ENOX1: variants seen among roughly 807,000 people sequenced by gnomAD.
ENOX1 encodes candidate growth-related and time keeping constitutive hydroquinone (NADH) oxidase.
In ENOX1, 42 loss-of-function variants were observed where a neutral mutation model predicts 82.5. The ratio of observed to expected loss-of-function variants is 0.51; its 90% confidence interval spans 0.40 to 0.66. The LOEUF is 0.66. ENOX1 is among the 30% of genes least tolerant of loss of function. The pLI, the probability that ENOX1 is intolerant of heterozygous loss-of-function variation, is 0.00. For synonymous variants in ENOX1, 271 were observed against 282.2 expected (o/e 0.96, Z 0.40); for missense variants, 608 against 811.6 (o/e 0.75, Z 3.05).
intron 2 of ENOX1, chr13:43,545,180 A>G (rs1374468276): frequency 3.3e-5 from 5 of 152,188 alleles, no homozygotes; most frequent in Admixed American, 3.3e-4. Context: ...GGAATTTCAG[A>G]TATCATTAAA....
At chr13:43,329,057 A>G (rs1351740629) in intron 9 of ENOX1, among the ~76,000 whole-genome samples, 1 of 152,244 alleles carries the variant, frequency 6.6e-6, no homozygotes, top group Non-Finnish European at 1.5e-5. Flanking sequence ...AAAACATTCC[A>G]CAAATAGGGC....
chr13:43,293,421 A>G (rs910595620), intron 12 of ENOX1, among the ~76,000 whole-genome samples: 2 of 151,984 alleles, frequency 1.3e-5, no homozygotes, highest in Non-Finnish European at 2.9e-5. Flanking sequence ...AAACAACCAC[A>G]GCTACCATCC....
intron 1 of ENOX1, among the ~76,000 whole-genome samples, chr13:43,667,892 A>G (rs1475834921): frequency 2.0e-5 from 3 of 152,238 alleles, no homozygotes; most frequent in Non-Finnish European, 4.4e-5. Flanking sequence ...GCCTAAATAA[A>G]TAAAGCTGTG....
chr13:43,668,589 T>C (rs1242926616), intron 1 of ENOX1, among the ~76,000 whole-genome samples: 4 of 152,192 alleles, frequency 2.6e-5, no homozygotes, highest in South Asian at 4.1e-4. Flanking sequence ...TCTGTAGACA[T>C]TGAAGATAGA....
intron 1 of ENOX1, among the ~76,000 whole-genome samples, chr13:43,732,936 C>A (rs780213639): frequency 6.6e-6 from 1 of 152,188 alleles, no homozygotes; most frequent in East Asian, 1.9e-4. Flanking sequence ...GTTCACATCA[C>A]TGACACAAAT....
chr13:43,541,506 A>C (rs557960569), intron 2 of ENOX1, among the ~76,000 whole-genome samples: 1 of 152,294 alleles, frequency 6.6e-6, no homozygotes, highest in Admixed American at 6.5e-5. Flanking sequence ...TTTCTAAAAA[A>C]TAAGAAACAA....
chr13:43,244,749 G>A (rs1278940097), intron 14 of ENOX1, among the ~76,000 whole-genome samples: 1 of 152,138 alleles, frequency 6.6e-6, no homozygotes, highest in Non-Finnish European at 1.5e-5. Context: ...CAAGATCTAT[G>A]TGGTAAAGAT....
chr13:43,476,215 T>C (rs2058277936), intron 3 of ENOX1, among the ~76,000 whole-genome samples: 1 of 152,154 alleles, frequency 6.6e-6, no homozygotes, highest in African/African-American at 2.4e-5. Context: ...ATTGAGCACA[T>C]GCTAGGTATA....
chr13:43,348,794 T>G (rs1320882727), intron 8 of ENOX1, among the ~76,000 whole-genome samples: 1 of 152,230 alleles, frequency 6.6e-6, no homozygotes, highest in Non-Finnish European at 1.5e-5. Flanking sequence ...GTAGTGATGC[T>G]GGCAATTTGG....
At chr13:43,522,917 C>G (rs547638992) in intron 2 of ENOX1, among the ~76,000 whole-genome samples, 2 of 152,070 alleles carry the variant, frequency 1.3e-5, no homozygotes, top group Non-Finnish European at 2.9e-5. Flanking sequence ...AGGAAAAAAT[C>G]CTCAATGTGG....
chr13:43,754,053 T>TATACATATATACGTATATAAATACAC (rs1566880820), intron 1 of ENOX1, among the ~76,000 whole-genome samples: 2 of 147,188 alleles, frequency 1.4e-5, no homozygotes, highest in Non-Finnish European at 1.5e-5. Flanking sequence ...AATACACATA[T>TATACATATATACGTATATAAATACAC]ATATACATAT....
intron 14 of ENOX1, 112 bp from the exon 15 acceptor site, chr13:43,236,850 T>C: frequency 2.0e-6 from 1 of 494,368 alleles, no homozygotes; most frequent in Non-Finnish European, 3.4e-6. Flanking sequence ...CTTCTATTTA[T>C]AACTAAAGAT....
At chr13:43,742,737 G>A (rs1386879967) in intron 1 of ENOX1, among the ~76,000 whole-genome samples, 4 of 152,198 alleles carry the variant, frequency 2.6e-5, no homozygotes, top group Non-Finnish European at 5.9e-5. Context: ...GAAGTGGAGA[G>A]AAGTGGTTGA....
intron 1 of ENOX1, among the ~76,000 whole-genome samples, chr13:43,772,823 A>G (rs988825705): frequency 6.6e-6 from 1 of 152,030 alleles, no homozygotes; most frequent in Non-Finnish European, 1.5e-5. Context: ...CTTCAGTTCC[A>G]ACAAGAATCC....
In ENOX1 at chr13:43,532,194, C is replaced by T. The variant is rs1007289534; in HGVS notation, c.-218-48042G>A. Among the ~76,000 whole-genome samples the T allele has an allele frequency of 5.3e-5, 8 of 152,054 alleles. No individual in the cohort carries two copies. The East Asian group carries it at 1.5e-3, about 29-fold the overall frequency. On this transcript the variant is annotated intron_variant, in intron 2 of 16. Coordinates refer to ENST00000690772, the MANE Select transcript of ENOX1 (RefSeq NM_001347969.2). ...AAAATAAAATGGTATTATTTTCTAT[C>T]CAGTTTAACATTTTGGTATATACTT...
At chr13:43,368,886 A>C (rs1344463603) in intron 5 of ENOX1, among the ~76,000 whole-genome samples, 1 of 152,230 alleles carries the variant, frequency 6.6e-6, no homozygotes, top group Non-Finnish European at 1.5e-5. Flanking sequence ...CCAAAGTTAC[A>C]CAGCTAGTTA....
chr13:43,658,667 A>C (rs1420750080), intron 2 of ENOX1, among the ~76,000 whole-genome samples: 2 of 152,230 alleles, frequency 1.3e-5, no homozygotes, highest in African/African-American at 4.8e-5. Context: ...CAATTTTACC[A>C]TCTTGAAGAA....
chr13:43,535,661 T>C (rs2078428706), intron 2 of ENOX1, among the ~76,000 whole-genome samples: 1 of 152,170 alleles, frequency 6.6e-6, no homozygotes, highest in African/African-American at 2.4e-5. Flanking sequence ...GGTCAGCACA[T>C]ATCATCAGGC....
At chr13:43,472,665 G>A (rs755082980) in intron 3 of ENOX1, among the ~76,000 whole-genome samples, 14 of 152,120 alleles carry the variant, frequency 9.2e-5, no homozygotes, top group Non-Finnish European at 1.9e-4. Flanking sequence ...CTGAGGTTAT[G>A]GGATTTTTGG....
Sources: gnomAD v4.1 joint callset for allele counts (sites outside exome capture counted in the v4.1 genomes callset) on GRCh38, gnomAD v4.1.1 for gene constraint, MANE v1.5 for transcripts, NCBI Gene and HGNC (gene_info 2026-07-23, HGNC 2026-07-21) for gene names.